The following DNAI7 variants were observed in gnomAD, a reference collection of about 807,000 sequenced individuals.
DNAI7 encodes dynein axonemal intermediate chain 7, also known as cancer susceptibility 1.
In DNAI7, 78 loss-of-function variants were observed where a neutral mutation model predicts 86.6. The observed-to-expected ratio is 0.90, with a 90% confidence interval of 0.75 to 1.09. The LOEUF is 1.09. DNAI7 is among the 50% of genes least tolerant of loss of function. The pLI, the probability that DNAI7 is intolerant of heterozygous loss-of-function variation, is 0.00. For missense variants in DNAI7, 753 were observed against 810.2 expected, an observed-to-expected ratio of 0.93 and a Z score of 0.86; for synonymous variants, 274 against 273.0, an observed-to-expected ratio of 1.00 and a Z score of -0.04.
chr12:25,121,000 C>T (rs1015013666), intron 11 of DNAI7, among the ~76,000 whole-genome samples: 1 of 152,228 alleles, frequency 6.6e-6, no homozygotes, highest in Non-Finnish European at 1.5e-5. Flanking sequence ...TCCCAACTGA[C>T]ACTAATGCTG....
At chr12:25,154,288 C>T in intron 6 of DNAI7, 31 bp downstream of exon 6, 1 of 1,545,652 alleles carries the variant, frequency 6.5e-7, no homozygotes, top group Non-Finnish European at 8.7e-7. Context: ...TTTGTAATAG[C>T]CAGTTTATAG....
At chr12:25,162,393 G>A (rs539034142) in intron 2 of DNAI7, among the ~76,000 whole-genome samples, 1 of 152,272 alleles carries the variant, frequency 6.6e-6, no homozygotes, top group South Asian at 2.1e-4. Context: ...AATTCTTGCA[G>A]GCACTAGAAT....
intron 13 of DNAI7, among the ~76,000 whole-genome samples, chr12:25,114,000 C>T (rs1163569777): frequency 7.7e-6 from 1 of 129,424 alleles, no homozygotes; most frequent in Non-Finnish European, 1.5e-5. Flanking sequence ...GGCTGGAGTG[C>T]AGTGGTACGA....
At chr12:25,173,681 G>C (rs2141174804) in intron 2 of DNAI7, among the ~76,000 whole-genome samples, 1 of 151,892 alleles carries the variant, frequency 6.6e-6, no homozygotes, top group South Asian at 2.1e-4. Context: ...ATTCACAATT[G>C]CAAAATCGTG....
chr12:25,142,470 C>T (rs1944323725), intron 9 of DNAI7, among the ~76,000 whole-genome samples: 1 of 151,774 alleles, frequency 6.6e-6, no homozygotes, highest in South Asian at 2.1e-4. Flanking sequence ...CCAAATGCCA[C>T]CTGTTCCCCA....
At chr12:25,191,068 C>G (rs1179283993) in intron 1 of DNAI7, among the ~76,000 whole-genome samples, 1 of 152,106 alleles carries the variant, frequency 6.6e-6, no homozygotes, top group Non-Finnish European at 1.5e-5. Context: ...AAAGAAATAA[C>G]CTTTCCGTAA....
intron 7 of DNAI7, 111 bp from the exon 8 acceptor site, chr12:25,147,215 GAGAGTA>G: frequency 3.4e-6 from 2 of 594,702 alleles, no homozygotes; most frequent in Non-Finnish European, 3.0e-6. Context: ...AATCACCTAA[GAGAGTA>G]ACTTGGGTAA....
Position 25,154,337 on chromosome 12 carries a change from C to T in DNAI7, c.420G>A (p.Lys140=). The T allele has an allele frequency of 1.2e-6, 2 of 1,608,840 alleles. No individual in the cohort carries two copies. The highest frequency in any genetic ancestry group is 1.7e-6 in the Non-Finnish European group (2 of 1,178,872). ...TACCTACATTTAGCACTACTTTACT[C>T]TTCTCAATCACTTCCTCAAAAGTCT... ...TNETFEEVIE[K]SKVVLNLIEK... Residue 140 remains lysine (K), a synonymous_variant, in exon 6 of 16, where the codon AAG becomes AAA. Coordinates refer to ENST00000395987, the MANE Select transcript of DNAI7 (RefSeq NM_018272.5).
chr12:25,187,651 A>G (rs2141354214), intron 2 of DNAI7, among the ~76,000 whole-genome samples: 1 of 152,328 alleles, frequency 6.6e-6, no homozygotes, highest in Admixed American at 6.5e-5. Context: ...GGGCCAACAT[A>G]AAAATCATGT....
chr12:25,109,490 G>A (rs375258375), intron 15 of DNAI7, among the ~76,000 whole-genome samples: 16 of 152,144 alleles, frequency 1.1e-4, no homozygotes, highest in Admixed American at 2.0e-4. Context: ...GGGCTCAAGC[G>A]ATCCTTCCAC....
chr12:25,148,547 A>C (rs888040859), intron 7 of DNAI7, among the ~76,000 whole-genome samples: 1 of 152,190 alleles, frequency 6.6e-6, no homozygotes, highest in Non-Finnish European at 1.5e-5. Flanking sequence ...CAGTTATTAC[A>C]CTGGGGATTG....
chr12:25,186,035 C>CTG (rs1481562987), intron 2 of DNAI7, among the ~76,000 whole-genome samples: 3 of 152,144 alleles, frequency 2.0e-5, no homozygotes, highest in African/African-American at 7.2e-5. Flanking sequence ...AAATTATTAA[C>CTG]TGAGACTAAC....
In DNAI7 at chr12:25,123,213, G is replaced by A. The variant is rs756647951; in HGVS notation, c.1076C>T (p.Ala359Val). 4 of 1,576,452 alleles carry A rather than the reference G, an allele frequency of 2.5e-6. No individual in the cohort carries two copies. The highest frequency in any genetic ancestry group is 3.5e-6 in the Non-Finnish European group (4 of 1,153,258). ...EMKVLSETVS[A>V]AQLLLVENSS... ...TCTTAAAATGTAATTTAGAATACCT[G>A]CTGAAACAGTTTCACTTAATACTTT... The change falls in exon 10 of 16, where the codon GCA becomes GTA. Residue 359 changes from alanine (A) to valine (V), a missense_variant and splice_region_variant. Physicochemically the swap from Ala to Val is moderately conservative, Grantham distance 64. Coordinates refer to ENST00000395987, the MANE Select transcript of DNAI7 (RefSeq NM_018272.5).
In DNAI7 at chr12:25,121,807, A is replaced by C. The variant is rs747588908; in HGVS notation, c.1185T>G (p.Asp395Glu). The C allele has an allele frequency of 6.2e-7, 1 of 1,608,088 alleles. No homozygotes were observed. Among genetic ancestry groups the C allele is most frequent in the Non-Finnish European group, 8.5e-7 (1 of 1,178,456 alleles). ...FTTLGGVYHL[D>E]ILELPPQCKP... ...TACACTGTGGAGGAAGCTCCAAAATATCCAAGTGGTATACTCCACCCAGAG... is the reference window on the plus strand; with the variant it reads ...TACACTGTGGAGGAAGCTCCAAAATCTCCAAGTGGTATACTCCACCCAGAG... Residue 395 changes from aspartate (D) to glutamate (E), a missense_variant, in exon 11 of 16, where the codon GAT (aspartate) becomes GAG (glutamate). Physicochemically the swap from Asp to Glu is conservative, Grantham distance 45 (BLOSUM62 2). Transcript: ENST00000395987.
At chr12:25,182,740 T>G (rs73071272) in intron 2 of DNAI7, among the ~76,000 whole-genome samples, 17,362 of 151,098 alleles carry the variant, frequency 0.11, 1,339 homozygotes, top group Admixed American at 0.16. Flanking sequence ...CTGGGCAACA[T>G]AGAATGATCT....
At chr12:25,160,531 C>T (rs922245393) in intron 3 of DNAI7, among the ~76,000 whole-genome samples, 4 of 152,180 alleles carry the variant, frequency 2.6e-5, no homozygotes, top group South Asian at 2.1e-4. Flanking sequence ...GCGCTCACCC[C>T]GTCATTCTCT....
chr12:25,138,882 C>CAAACA (rs2140758347), intron 9 of DNAI7, among the ~76,000 whole-genome samples: 1 of 141,814 alleles, frequency 7.1e-6, no homozygotes, highest in Admixed American at 6.9e-5. Context: ...GAAATTGAAA[C>CAAACA]AAAAAAAAAA....
intron 2 of DNAI7, among the ~76,000 whole-genome samples, chr12:25,174,377 TC>T (rs374422284): frequency 0.032 from 33 of 1,044 alleles, 14 homozygotes; most frequent in African/African-American, 0.058. Flanking sequence ...ATATGTTATA[TC>T]ATATATATGG....
At chr12:25,194,953 T>A in intron 1 of DNAI7, 123 bp downstream of exon 1, 1 of 1,614,188 alleles carries the variant, frequency 6.2e-7, no homozygotes. Context: ...AAGGTATGAG[T>A]TATTTCCCAA....
Sources: allele counts gnomAD v4.1 joint callset (sites outside exome capture counted in the v4.1 genomes callset), GRCh38; gene constraint gnomAD v4.1.1; transcripts MANE v1.5; gene names NCBI Gene and HGNC (gene_info 2026-07-23, HGNC 2026-07-21).